NRXN1: variants seen among roughly 807,000 people sequenced by gnomAD.
NRXN1 encodes the protein neurexin 1, also known as neurexin-1.
NRXN1 carries 39 observed loss-of-function variants against 150.9 expected under a neutral mutation model. The observed-to-expected ratio is 0.26, with a 90% CI of 0.20 to 0.34. NRXN1 has a LOEUF of 0.34. Among genes scored for constraint, NRXN1 ranks in the 10% least tolerant of loss-of-function variants. The probability of loss-of-function intolerance (pLI) is 1.00; values close to 1 mark genes in which losing one functional copy is unlikely to be tolerated. For synonymous variants in NRXN1, 924 were observed against 757.0 expected (o/e 1.22, Z -3.62); for missense variants, 1,815 against 1,949.9 (o/e 0.93, Z 1.30).
chr2:50,437,134 A>G (rs2085515530), intron 17 of NRXN1, among the ~76,000 whole-genome samples: 1 of 152,220 alleles, frequency 6.6e-6, no homozygotes, highest in South Asian at 2.1e-4. Context: ...AGGCTATTTT[A>G]TTTTTACAAA....
chr2:50,360,428 T>C (rs2079109124), intron 17 of NRXN1, among the ~76,000 whole-genome samples: 1 of 151,926 alleles, frequency 6.6e-6, no homozygotes, highest in African/African-American at 2.4e-5. Flanking sequence ...ACCAAGCAAA[T>C]GGAAAGCAAG....
At chr2:50,238,965 C>T (rs1459063444) in intron 17 of NRXN1, among the ~76,000 whole-genome samples, 1 of 151,912 alleles carries the variant, frequency 6.6e-6, no homozygotes, top group Admixed American at 6.6e-5. Flanking sequence ...TTATCTCTTT[C>T]AAGAGAGAAA....
chr2:50,963,392 C>T (rs1693517902), intron 2 of NRXN1, among the ~76,000 whole-genome samples: 1 of 151,578 alleles, frequency 6.6e-6, no homozygotes, highest in Non-Finnish European at 1.5e-5. Context: ...TCCCTGAAAA[C>T]ATTCTATACT....
intron 8 of NRXN1, among the ~76,000 whole-genome samples, chr2:50,596,280 C>T (rs994416844): frequency 6.6e-6 from 1 of 152,012 alleles, no homozygotes; most frequent in Non-Finnish European, 1.5e-5. Flanking sequence ...CTACCTTCCA[C>T]TACCTTTTCT....
At chr2:50,104,261 C>A (rs1377560360) in intron 18 of NRXN1, among the ~76,000 whole-genome samples, 2 of 151,990 alleles carry the variant, frequency 1.3e-5, no homozygotes, top group African/African-American at 4.8e-5. Flanking sequence ...TTGGTGGACT[C>A]TGACTATTTC....
At chr2:49,995,454 T>C (rs1682775058) in intron 21 of NRXN1, among the ~76,000 whole-genome samples, 1 of 151,944 alleles carries the variant, frequency 6.6e-6, no homozygotes, top group African/African-American at 2.4e-5. Context: ...CCTACTACTG[T>C]TCATATCATT....
intron 17 of NRXN1, among the ~76,000 whole-genome samples, chr2:50,237,523 T>C (rs1030367355): frequency 6.6e-6 from 1 of 151,568 alleles, no homozygotes; most frequent in East Asian, 2.0e-4. Flanking sequence ...GTCAAGAAAA[T>C]ACAGATAATA....
intron 21 of NRXN1, among the ~76,000 whole-genome samples, 194 bp downstream of exon 21, chr2:50,053,077 C>T (rs1031145503): frequency 3.3e-5 from 5 of 152,092 alleles, no homozygotes; most frequent in Non-Finnish European, 5.9e-5. Flanking sequence ...TTGTAAAAGT[C>T]CACAAACCTC....
intron 5 of NRXN1, among the ~76,000 whole-genome samples, chr2:50,889,158 G>T (rs555752272): frequency 6.6e-6 from 1 of 151,696 alleles, no homozygotes; most frequent in East Asian, 1.9e-4. Flanking sequence ...TTTTAGCTTT[G>T]TAAACTATGA....
chr2:50,789,179 G>T (rs1038038188), intron 5 of NRXN1, among the ~76,000 whole-genome samples: 1 of 152,124 alleles, frequency 6.6e-6, no homozygotes, highest in African/African-American at 2.4e-5. Context: ...CATATAGACA[G>T]CTACATCTTT....
chr2:50,749,914 T>C (rs1209557297), intron 5 of NRXN1, among the ~76,000 whole-genome samples: 4 of 151,968 alleles, frequency 2.6e-5, no homozygotes, highest in East Asian at 3.9e-4. Flanking sequence ...CTAAACTAAA[T>C]GGTTAATTAA....
At chr2:51,000,274 CTA>C (rs1258450214) in intron 2 of NRXN1, among the ~76,000 whole-genome samples, 1 of 152,006 alleles carries the variant, frequency 6.6e-6, no homozygotes, top group Non-Finnish European at 1.5e-5. Flanking sequence ...TATCCATTCT[CTA>C]TGTCCTTATC....
intron 8 of NRXN1, among the ~76,000 whole-genome samples, chr2:50,586,979 A>C (rs913434176): frequency 7.9e-5 from 12 of 152,174 alleles, no homozygotes; most frequent in African/African-American, 2.7e-4. Context: ...TTGTATTAGG[A>C]AAGATAATTT....
intron 17 of NRXN1, among the ~76,000 whole-genome samples, chr2:50,388,253 G>A (rs983723676): frequency 1.3e-5 from 2 of 152,128 alleles, no homozygotes; most frequent in African/African-American, 4.8e-5. Context: ...TACTTGAATT[G>A]TCCTTGCAGT....
chr2:50,794,461 C>G (rs752013380), intron 5 of NRXN1, among the ~76,000 whole-genome samples: 47 of 152,024 alleles, frequency 3.1e-4, no homozygotes, highest in Admixed American at 7.2e-4. Flanking sequence ...CACATTCAGG[C>G]AAAATGATGG....
At chr2:50,504,133 T>G (rs977759332) in intron 13 of NRXN1, among the ~76,000 whole-genome samples, 1 of 73,258 alleles carries the variant, frequency 1.4e-5, no homozygotes, top group Admixed American at 1.5e-4. Flanking sequence ...TAAAGAAACA[T>G]GACAACTAAA....
chr2:50,705,049 A>C (rs928345474), intron 5 of NRXN1, among the ~76,000 whole-genome samples: 1 of 145,734 alleles, frequency 6.9e-6, no homozygotes, highest in East Asian at 2.0e-4. Context: ...CAGAAACACA[A>C]ACACACACAC....
At chr2:50,741,644 G>C (rs1699441567) in intron 5 of NRXN1, among the ~76,000 whole-genome samples, 1 of 152,156 alleles carries the variant, frequency 6.6e-6, no homozygotes, top group South Asian at 2.1e-4. Flanking sequence ...ATGTTCATCA[G>C]GAGGTTTTGC....
At chr2:49,968,548 C>T (rs565687516) in intron 21 of NRXN1, among the ~76,000 whole-genome samples, 9 of 152,068 alleles carry the variant, frequency 5.9e-5, no homozygotes, top group Admixed American at 5.9e-4. Flanking sequence ...CCTCGGTGTC[C>T]GTAATGCCAT....
Sources: gnomAD v4.1 joint callset for allele counts (sites outside exome capture counted in the v4.1 genomes callset) on GRCh38, gnomAD v4.1.1 for gene constraint, MANE v1.5 for transcripts, NCBI Gene and HGNC (gene_info 2026-07-23, HGNC 2026-07-21) for gene names.